C10orf143: variants seen among roughly 807,000 people sequenced by gnomAD.
C10orf143 encodes the protein chromosome 10 open reading frame 143, also known as uncharacterized protein C10orf143.
At chr10:130,089,251 C>T (rs1230182936) in intron 1 of C10orf143, among the ~76,000 whole-genome samples, 1 of 152,214 alleles carries the variant, frequency 6.6e-6, no homozygotes, top group East Asian at 1.9e-4. Flanking sequence ...GTTTACCAAG[C>T]ACACTGTAAA....
At chr10:130,073,346 G>A (rs1861062497) in intron 3 of C10orf143, among the ~76,000 whole-genome samples, 1 of 152,140 alleles carries the variant, frequency 6.6e-6, no homozygotes, top group Non-Finnish European at 1.5e-5. Flanking sequence ...CCCATGCATG[G>A]CCTGGTATTG....
chr10:130,084,920 C>A (rs1861267499), intron 1 of C10orf143, among the ~76,000 whole-genome samples: 1 of 152,104 alleles, frequency 6.6e-6, no homozygotes, highest in African/African-American at 2.4e-5. Context: ...AGGCATACAC[C>A]TGAAGGACTT....
downstream of C10orf143, among the ~76,000 whole-genome samples, chr10:130,061,263 C>T (rs1003600780): frequency 5.9e-5 from 9 of 152,134 alleles, no homozygotes; most frequent in East Asian, 3.9e-4. Context: ...GGATTATGGA[C>T]GACTTAGTTT....
chr10:130,041,343 G>A (rs900858374), intron 3 of C10orf143, among the ~76,000 whole-genome samples: 4 of 152,194 alleles, frequency 2.6e-5, no homozygotes, highest in Non-Finnish European at 4.4e-5. Flanking sequence ...CTTCAGGCAT[G>A]AATCTAAGCT....
At chr10:130,080,010 G>T (rs968759197) in intron 1 of C10orf143, 109 bp from the exon 2 acceptor site, 1 of 397,690 alleles carries the variant, frequency 2.5e-6, no homozygotes, top group Admixed American at 4.4e-5. Flanking sequence ...TGTGGAGCTG[G>T]AAAACTTTAT....
At chr10:130,082,277 G>C (rs1861222277) in intron 1 of C10orf143, among the ~76,000 whole-genome samples, 1 of 151,860 alleles carries the variant, frequency 6.6e-6, no homozygotes, top group Non-Finnish European at 1.5e-5. Context: ...TTCCCAAAGT[G>C]CTGGGATTAT....
intron 3 of C10orf143, among the ~76,000 whole-genome samples, chr10:130,078,385 A>G (rs1353259488): frequency 6.6e-6 from 1 of 152,144 alleles, no homozygotes; most frequent in Admixed American, 6.5e-5. Flanking sequence ...TGCAACCCCA[A>G]TGGAGGCATA....
intron 1 of C10orf143, chr10:130,104,955 GTCTC>G (rs1861616657): frequency 6.6e-6 from 1 of 152,160 alleles, no homozygotes; most frequent in African/African-American, 2.4e-5. Flanking sequence ...TTGAGACAGA[GTCTC>G]ACTCTTTCAT....
chr10:130,107,952 C>G (rs1861687040), intron 1 of C10orf143: 1 of 1,491,506 alleles, frequency 6.7e-7, no homozygotes, highest in Admixed American at 1.7e-5. Context: ...TCTGGACCAG[C>G]AGAACTCAGA....
chr10:130,108,934 A>C (rs1861711619), intron 1 of C10orf143, among the ~76,000 whole-genome samples: 1 of 152,206 alleles, frequency 6.6e-6, no homozygotes, highest in African/African-American at 2.4e-5. Flanking sequence ...GCATGGCCTA[A>C]CAGGAGCTCT....
downstream of C10orf143, among the ~76,000 whole-genome samples, chr10:130,061,790 T>C (rs1042172195): frequency 2.0e-5 from 3 of 152,260 alleles, no homozygotes; most frequent in African/African-American, 7.2e-5. Context: ...TAATCTGTTT[T>C]AGTACCTGTG....
At chr10:130,049,081 CCTT>C (rs1261526447) in intron 3 of C10orf143, among the ~76,000 whole-genome samples, 1 of 152,158 alleles carries the variant, frequency 6.6e-6, no homozygotes. Flanking sequence ...CTCCGGGGCT[CCTT>C]CTCTCAGCAC....
chr10:130,073,276 T>C (rs1861061341), intron 3 of C10orf143, among the ~76,000 whole-genome samples: 2 of 152,218 alleles, frequency 1.3e-5, no homozygotes, highest in Admixed American at 6.5e-5. Flanking sequence ...ACTGTTTTTA[T>C]GGCAGGGCTT....
chr10:130,107,004 T>C (rs761841903), intron 1 of C10orf143: 1 of 1,134,616 alleles, frequency 8.8e-7, no homozygotes, highest in Admixed American at 1.7e-5. Context: ...GCTACTAAGT[T>C]AAATGCTTCT....
intron 1 of C10orf143, chr10:130,108,410 A>G (rs1188417356): frequency 7.6e-6 from 7 of 919,268 alleles, no homozygotes; most frequent in East Asian, 2.4e-5. Context: ...TCCGCCTTCA[A>G]ATGAGCCTGC....
At chr10:130,062,572 T>C (rs1860868753), downstream of C10orf143, among the ~76,000 whole-genome samples, 1 of 152,194 alleles carries the variant, frequency 6.6e-6, no homozygotes, top group African/African-American at 2.4e-5. Context: ...ACACCAGTGG[T>C]TTGCAAGGGC....
chr10:130,055,236 A>G (rs1374273543), intron 3 of C10orf143, among the ~76,000 whole-genome samples: 1 of 152,228 alleles, frequency 6.6e-6, no homozygotes, highest in Non-Finnish European at 1.5e-5. Context: ...CACAGGCAAC[A>G]AAAGCAAAAA....
intron 1 of C10orf143, among the ~76,000 whole-genome samples, chr10:130,097,601 A>G (rs1861482543): frequency 6.6e-6 from 1 of 152,206 alleles, no homozygotes; most frequent in African/African-American, 2.4e-5. Context: ...GTATCCATCT[A>G]AGAGATATGT....
chr10:130,070,881 G>T (rs191624800), intron 3 of C10orf143, among the ~76,000 whole-genome samples: 59 of 152,116 alleles, frequency 3.9e-4, no homozygotes, highest in Non-Finnish European at 8.5e-4. Context: ...GGTTGTTTCT[G>T]GCTTTTCTTA....
Sources: allele counts gnomAD v4.1 joint callset (sites outside exome capture counted in the v4.1 genomes callset), GRCh38; gene constraint gnomAD v4.1.1; transcripts MANE v1.5; gene names NCBI Gene and HGNC (gene_info 2026-07-23, HGNC 2026-07-21).